The following LARP4B variants were observed in gnomAD, a reference collection of about 807,000 sequenced individuals.
LARP4B encodes La ribonucleoprotein 4B.
A neutral mutation model predicts 89.8 loss-of-function variants in LARP4B; 12 were observed. The ratio of observed to expected loss-of-function variants is 0.13; its 90% CI spans 0.09 to 0.22. The LOEUF (loss-of-function observed/expected upper bound fraction) is 0.22. Among genes scored for constraint, LARP4B ranks in the 10% least tolerant of loss-of-function variants. LARP4B has a pLI of 1.00. For synonymous variants in LARP4B, 367 were observed against 363.3 expected (o/e 1.01, Z -0.12); for missense variants, 757 against 947.7 (o/e 0.80, Z 2.64).
At chr10:864,352 ATCAGATATAGGCTCCAAAGGC>A (rs1834782132) in intron 3 of LARP4B, 82 bp from the exon 4 acceptor site, 1 of 1,393,268 alleles carries the variant, frequency 7.2e-7, no homozygotes, top group Admixed American at 1.8e-5. Context: ...GTTAAGAGAC[ATCAGATATAGGCTCCAAAGGC>A]TCAGCCTATG....
At chr10:968,285 G>C in the LARP4B span, among the ~76,000 whole-genome samples, 28 of 152,298 alleles carry the variant, frequency 1.8e-4, no homozygotes, top group Middle Eastern at 3.4e-3. Flanking sequence ...AAGTAATGCT[G>C]CTTAAGAACA....
the LARP4B span, chr10:942,292 T>C: frequency 6.6e-6 from 1 of 152,170 alleles, no homozygotes; most frequent in Non-Finnish European, 1.5e-5. Context: ...AACCGGAAGA[T>C]GAGGGCAGAG....
intron 7 of LARP4B, among the ~76,000 whole-genome samples, chr10:842,092 A>G (rs777303552): frequency 6.6e-6 from 1 of 152,234 alleles, no homozygotes; most frequent in Non-Finnish European, 1.5e-5. Flanking sequence ...AGTCAGGCTT[A>G]GCAATGTCCA....
chr10:961,322 G>A, the LARP4B span, among the ~76,000 whole-genome samples: 3 of 152,232 alleles, frequency 2.0e-5, no homozygotes, highest in African/African-American at 4.8e-5. Flanking sequence ...ACGGTTCTGC[G>A]GGCTGTACAA....
the LARP4B span, chr10:972,395 G>C: frequency 2.4e-6 from 1 of 424,018 alleles, no homozygotes; most frequent in African/African-American, 2.0e-5. Context: ...CCATGCTCTT[G>C]GACTTCCCAG....
Position 884,438 on chromosome 10 carries a change from T to C in LARP4B, c.141+9A>G, listed in dbSNP as rs762564717. On this transcript the variant is annotated intron_variant, in intron 3 of 17. Coordinates refer to ENST00000316157, the MANE Select transcript of LARP4B (RefSeq NM_015155.3). The stretch of plus-strand genomic sequence containing the variant: ...AAAAAATCTGTGATTAATCTCAAAA[T>C]TGAATTACCTGACTCAAAGGTGGGA... 103 of 1,573,092 alleles carry C rather than the reference T, an allele frequency of 6.5e-5. No homozygotes were observed. The highest frequency in any genetic ancestry group is 8.2e-5 in the Non-Finnish European group (94 of 1,143,090).
the LARP4B span, among the ~76,000 whole-genome samples, chr10:983,249 T>C: frequency 6.6e-6 from 1 of 152,220 alleles, no homozygotes; most frequent in Non-Finnish European, 1.5e-5. Flanking sequence ...AATAGGCCCA[T>C]GGGAGCTGAG....
chr10:882,482 G>A (rs1287800032), intron 3 of LARP4B, among the ~76,000 whole-genome samples: 4 of 151,876 alleles, frequency 2.6e-5, no homozygotes. Context: ...CTGCCTCCCA[G>A]GTTAACGCCA....
chr10:917,218 G>T (rs868122983), intron 1 of LARP4B, among the ~76,000 whole-genome samples: 1 of 151,982 alleles, frequency 6.6e-6, no homozygotes, highest in African/African-American at 2.4e-5. Flanking sequence ...TTCATGTTTT[G>T]TTTTCCCAAG....
At chr10:851,707 A>C (rs949369923) in intron 5 of LARP4B, among the ~76,000 whole-genome samples, 1 of 152,206 alleles carries the variant, frequency 6.6e-6, no homozygotes, top group African/African-American at 2.4e-5. Context: ...AGCTCCCTCA[A>C]GAAGAAATAA....
chr10:973,238 G>C, the LARP4B span, among the ~76,000 whole-genome samples: 4 of 152,156 alleles, frequency 2.6e-5, no homozygotes, highest in African/African-American at 9.7e-5. Flanking sequence ...GGGGGAGCTC[G>C]CAGGGTGGCT....
intron 1 of LARP4B, among the ~76,000 whole-genome samples, chr10:908,265 A>C (rs1009055494): frequency 6.6e-6 from 1 of 152,154 alleles, no homozygotes; most frequent in Non-Finnish European, 1.5e-5. Context: ...AGCTGAACAC[A>C]TGGAGGTTGT....
At chr10:860,812 T>G (rs1301513023) in intron 5 of LARP4B, among the ~76,000 whole-genome samples, 1 of 152,046 alleles carries the variant, frequency 6.6e-6, no homozygotes, top group East Asian at 1.9e-4. Context: ...CATCTTTTTT[T>G]TTAAAGAGAA....
chr10:932,280 T>A (rs1233051657), upstream of LARP4B, among the ~76,000 whole-genome samples: 2 of 93,804 alleles, frequency 2.1e-5, no homozygotes, highest in Non-Finnish European at 4.3e-5. Flanking sequence ...ACAGCTGGGA[T>A]CAAGGTCCCG....
chr10:824,240 CCCA>C (rs1162221753), intron 13 of LARP4B, among the ~76,000 whole-genome samples: 2 of 152,180 alleles, frequency 1.3e-5, no homozygotes, highest in Non-Finnish European at 1.5e-5. Flanking sequence ...TGCCTGTAAT[CCCA>C]CCACTATGGA....
chr10:825,771 G>C lies in LARP4B; in HGVS notation c.1225C>G (p.Arg409Gly). Residue 409 changes from arginine to glycine, a missense_variant, in exon 12 of 18, where the codon CGA (arginine) becomes GGA (glycine). Coordinates refer to ENST00000316157, the MANE Select transcript of LARP4B (RefSeq NM_015155.3). ...GACCGCCCCGGAACTTGCCTGCTTC[G>C]AGGAGGATACTGTCTGAGAGAAGTC... ...PLTSLRQYPP[R>G]SRNPSKSHLR... 1 of 1,612,800 alleles carries C rather than the reference G, an allele frequency of 6.2e-7. No individual in the cohort carries two copies. Among genetic ancestry groups the C allele is most frequent in the Non-Finnish European group, 8.5e-7 (1 of 1,179,002 alleles).
the LARP4B span, among the ~76,000 whole-genome samples, chr10:940,111 G>C: frequency 2.1e-5 from 3 of 144,716 alleles, no homozygotes; most frequent in African/African-American, 7.8e-5. Context: ...TCCACCTCCC[G>C]GGTTCAAGCG....
intron 9 of LARP4B, among the ~76,000 whole-genome samples, chr10:830,247 C>T (rs1352215071): frequency 1.3e-5 from 2 of 152,178 alleles, no homozygotes; most frequent in African/African-American, 4.8e-5. Context: ...CCACATTCGC[C>T]ACACGGGCTG....
intron 1 of LARP4B, among the ~76,000 whole-genome samples, chr10:893,090 T>TC (rs1195972845): frequency 2.0e-5 from 3 of 150,684 alleles, no homozygotes; most frequent in African/African-American, 7.3e-5. Context: ...CTTTTTTTTT[T>TC]CCCAGTAGAG....
Sources: gnomAD v4.1 joint callset for allele counts (sites outside exome capture counted in the v4.1 genomes callset) on GRCh38, gnomAD v4.1.1 for gene constraint, MANE v1.5 for transcripts, NCBI Gene and HGNC (gene_info 2026-07-23, HGNC 2026-07-21) for gene names.